NFATC4: variants seen among roughly 807,000 people sequenced by gnomAD.
The protein encoded by NFATC4 is nuclear factor of activated T cells 4, also known as nuclear factor of activated T-cells, cytoplasmic 4.
Under a neutral mutation model 73.4 loss-of-function variants are expected in NFATC4, and 25 were observed. The observed-to-expected ratio is 0.34, with a 90% CI of 0.25 to 0.48. The LOEUF (loss-of-function observed/expected upper bound fraction) is 0.48. NFATC4 is among the 20% of genes least tolerant of loss of function. The probability of loss-of-function intolerance (pLI) is 0.99; values close to 1 mark genes in which losing one functional copy is unlikely to be tolerated. For synonymous variants in NFATC4, 523 were observed against 510.3 expected (o/e 1.02, Z -0.34); for missense variants, 1,130 against 1,203.7 (o/e 0.94, Z 0.91).
chr14:24,369,776 G>C lies in NFATC4; in HGVS notation c.378G>C (p.Glu126Asp), dbSNP rs762327179. 4.4e-6 allele frequency: 7 copies of C among 1,595,924 alleles called. No individual in the cohort carries two copies. In the South Asian group the frequency reaches 5.6e-5, roughly 13 times the overall value. ...IRITSISPTP[E>D]PPAALEDNPD... is the part of the protein sequence containing the mutation. ...TCACCTCCATCTCTCCCACGCCGGAGCCGCCAGCAGCGCTGGAGGACAACC... is the reference window on the plus strand; with the variant it reads ...TCACCTCCATCTCTCCCACGCCGGACCCGCCAGCAGCGCTGGAGGACAACC... The change falls in exon 2 of 10, where the codon GAG becomes GAC. Residue 126 changes from glutamate (E) to aspartate (D), a missense_variant. By Grantham distance (45) the Glu-to-Asp change is conservative (BLOSUM62 2). This residue lies in a region of NFATC4 where 585 missense variants were observed against 574.3 expected (regional missense o/e 1.02). Coordinates refer to ENST00000250373, the MANE Select transcript of NFATC4 (RefSeq NM_004554.5).
chr14:24,369,658 G>A lies in NFATC4; in HGVS notation c.260G>A (p.Ser87Asn). 6.2e-7 allele frequency: 1 copy of A among 1,612,838 alleles called. No individual in the cohort carries two copies. The highest frequency in any genetic ancestry group is 2.2e-5 in the East Asian group (1 of 44,876). The change falls in exon 2 of 10, where the codon AGC becomes AAC. Residue 87 changes from serine (S) to asparagine (N), a missense_variant. By Grantham distance (46) the Ser-to-Asn change is conservative (BLOSUM62 1). Coordinates refer to ENST00000250373, the MANE Select transcript of NFATC4 (RefSeq NM_004554.5). ...RPAPSPGTWE[S>N]QPARSVRLGG... Reference sequence around the variant, plus strand: ...GCCCCCTCACCTGGCACCTGGGAGAGCCAGCCCGCCAGGTCGGTGAGGCTG... The same window carrying A: ...GCCCCCTCACCTGGCACCTGGGAGAACCAGCCCGCCAGGTCGGTGAGGCTG...
chr14:24,369,353 T>C (rs769807133), intron 1 of NFATC4, 146 bp from the exon 2 acceptor site: 10 of 1,598,948 alleles, frequency 6.3e-6, no homozygotes, highest in Non-Finnish European at 8.5e-6. Context: ...GGTCCAACTC[T>C]GCTTTTGTCT....
At position 24,370,580 on chromosome 14, in the gene NFATC4, C is replaced by T. The variant is rs2042448785; in HGVS notation, c.1182C>T (p.His394=). The change falls in exon 2 of 10, where the codon CAC becomes CAT. Residue 394 remains histidine (H), a synonymous_variant. Coordinates refer to ENST00000250373, the MANE Select transcript of NFATC4 (RefSeq NM_004554.5). The stretch of plus-strand genomic sequence containing the variant: ...GGTCCAAGGCCCGGATTGGGGGACA[C>T]AGCCCTATCTTCAGGTGAGGGTTGC... ...LAWSKARIGG[H]SPIFRTSALP... The T allele has an allele frequency of 3.1e-6, 5 of 1,609,446 alleles. No homozygotes were observed. The Admixed American group carries it at 5.0e-5, about 16-fold the overall frequency.
Position 24,376,081 on chromosome 14 carries a change from A to C in NFATC4, c.2036A>C (p.Gln679Pro). 6.2e-7 allele frequency: 1 copy of C among 1,614,000 alleles called. No individual in the cohort carries two copies. Among genetic ancestry groups the C allele is most frequent in the Non-Finnish European group, 8.5e-7 (1 of 1,179,934 alleles). The change falls in exon 8 of 10, where the codon CAG becomes CCG. Residue 679 changes from glutamine (Q) to proline (P), a missense_variant. By Grantham distance (76) the Gln-to-Pro change is moderately conservative. Coordinates refer to ENST00000250373, the MANE Select transcript of NFATC4 (RefSeq NM_004554.5). This position sits in a 1 kb window ranked among gnomAD's most constrained non-coding sequence, Gnocchi z 5.0. ...SNGRRKRSPT[Q>P]SFRFLPVICK... is the part of the protein sequence containing the mutation. ...GGGCGGAGGAAACGCAGTCCTACCC[A>C]GAGTTTCAGGTTTCTGCCTGGTGCG...
Position 24,370,673 on chromosome 14 carries a change from G to T in NFATC4, c.1196+79G>T. ...AGGAGGGTCAAGGGATGGATTTGAA[G>T]ACACTAGTTTCATGCCCTCTGAATT... On this transcript the variant is annotated intron_variant, in intron 2 of 9. Transcript: ENST00000250373. The T allele has an allele frequency of 2.0e-6, 3 of 1,516,888 alleles. No individual in the cohort carries two copies. The South Asian group carries it at 3.9e-5, about 20-fold the overall frequency. The allele number at this position is 1,516,888 out of a possible 1,614,324, so 94.0% of individuals were successfully genotyped here. A position where few individuals can be genotyped will look rare whatever the true frequency, so the allele number is the denominator to read the frequency against.
At chr14:24,374,050 C>A in intron 5 of NFATC4, 183 bp downstream of exon 5, 1 of 979,564 alleles carries the variant, frequency 1.0e-6, no homozygotes, top group Non-Finnish European at 1.6e-6. Context: ...TCTGGGGTGG[C>A]CCAGAGTGAC....
In NFATC4 at chr14:24,370,126, C is replaced by G; in HGVS notation, c.728C>G (p.Pro243Arg). ...LYGPSPGGRG[P>R]EDSWLLLSAP... ...GGTCCAAGCCCCGGAGGCCGAGGGC[C>G]AGAGGATAGCTGGCTACTCCTCAGT... The change falls in exon 2 of 10, where the codon CCA becomes CGA. Residue 243 changes from proline to arginine, a missense_variant. Physicochemically the swap from Pro to Arg is moderately radical, Grantham distance 103. Around this residue, in one of 3 missense-constraint regions of NFATC4, gnomAD observed 585 missense variants for 574.3 expected, o/e 1.02. Transcript: ENST00000250373. 1 of 1,603,806 alleles carries G rather than the reference C, an allele frequency of 6.2e-7. No homozygotes were observed. Among genetic ancestry groups the G allele is most frequent in the Non-Finnish European group, 8.5e-7 (1 of 1,179,696 alleles).
chr14:24,375,759 G>GGGGGGGCCC, intron 7 of NFATC4, 44 bp downstream of exon 7: 5 of 616,998 alleles, frequency 8.1e-6, no homozygotes, highest in Non-Finnish European at 1.5e-5. Flanking sequence ...GGGGGTGGGA[G>GGGGGGGCCC]AAGGCAGGGG....
chr14:24,367,777 T>TGCTAGCAAGGC, upstream of NFATC4: 1 of 1,363,992 alleles, frequency 7.3e-7, no homozygotes, highest in Non-Finnish European at 9.7e-7. Context: ...CCTTGCTAGG[T>TGCTAGCAAGGC]GCTATCTACA....
chr14:24,375,911 C>A (rs1442396611), intron 7 of NFATC4, 64 bp from the exon 8 acceptor site: 5 of 1,608,286 alleles, frequency 3.1e-6, no homozygotes, highest in Non-Finnish European at 4.2e-6. Flanking sequence ...GTCTGGGCCC[C>A]TGGAAAGGCT....
In NFATC4 at chr14:24,376,796, T is replaced by A. The variant is rs201028202; in HGVS notation, c.2559T>A (p.Ala853=). ...CAGGCTATGGCCCTGGGGAGGGGGC[T>A]CCGGAGCAGGAGAAATCCAGGGGTG... ...VGPGYGPGEG[A]PEQEKSRGGY... Residue 853 remains alanine, a synonymous_variant, in exon 9 of 10, where the codon GCT becomes GCA. Coordinates refer to ENST00000250373, the MANE Select transcript of NFATC4 (RefSeq NM_004554.5). The surrounding 1 kb of genome is among the most constrained non-coding windows in gnomAD (Gnocchi z 5.0). 18 of 1,610,354 alleles carry A rather than the reference T, an allele frequency of 1.1e-5. No homozygotes were observed. The East Asian group carries it at 4.0e-4, about 36-fold the overall frequency.
intron 7 of NFATC4, 54 bp from the exon 8 acceptor site, chr14:24,375,921 T>G: frequency 6.2e-7 from 1 of 1,611,180 alleles, no homozygotes; most frequent in Non-Finnish European, 8.5e-7. Flanking sequence ...CTGGAAAGGC[T>G]GGGCTAAGCC....
At position 24,376,701 on chromosome 14, in the gene NFATC4, C is replaced by G. The variant is rs777337327; in HGVS notation, c.2464C>G (p.Leu822Val). The G allele has an allele frequency of 6.2e-7, 1 of 1,613,914 alleles. No individual in the cohort carries two copies. The highest frequency in any genetic ancestry group is 1.7e-5 in the Admixed American group (1 of 60,000). The part of the protein sequence containing the change: ...RPPPLPASPP[L>V]EGPFPSQSDV... ...GCCTCCTCTTCCTGCATCCCCACCG[C>G]TTGAAGGCCCCTTCCCTTCCCAGAG... Residue 822 changes from leucine to valine, a missense_variant, in exon 9 of 10, where the codon CTT (leucine) becomes GTT (valine). This residue lies in a region of NFATC4 where 390 missense variants were observed against 408.1 expected (regional missense o/e 0.96). Coordinates refer to ENST00000250373, the MANE Select transcript of NFATC4 (RefSeq NM_004554.5). This position sits in a 1 kb window ranked among gnomAD's most constrained non-coding sequence, Gnocchi z 5.0.
At position 24,377,370 on chromosome 14, in the gene NFATC4, C is replaced by T. The variant is rs1029835092; in HGVS notation, c.2642-268C>T. 1.5e-5 allele frequency: 20 copies of T among 1,353,444 alleles called. No homozygotes were observed. The highest frequency in any genetic ancestry group is 5.7e-5 in the South Asian group (3 of 52,804). The allele number at this position is 1,353,444 out of a possible 1,614,324, so 83.8% of individuals were successfully genotyped here. ...CACCCATCTCTGGCCCTGCTGATACCGATTCCCCTGACATTTCAGGCTAAG... is the reference window on the plus strand; with the variant it reads ...CACCCATCTCTGGCCCTGCTGATACTGATTCCCCTGACATTTCAGGCTAAG... On this transcript the variant is annotated intron_variant, in intron 9 of 9. Coordinates refer to ENST00000250373, the MANE Select transcript of NFATC4 (RefSeq NM_004554.5). This position sits in a 1 kb window ranked among gnomAD's most constrained non-coding sequence, Gnocchi z 4.2.
rs148620532 is a variant in NFATC4, at chr14:24,376,709, C to A, written c.2472C>A (p.Gly824=). ...PPLPASPPLE[G]PFPSQSDVHP... ...TTCCTGCATCCCCACCGCTTGAAGGCCCCTTCCCTTCCCAGAGTGATGTGC... is the reference window on the plus strand; with the variant it reads ...TTCCTGCATCCCCACCGCTTGAAGGACCCTTCCCTTCCCAGAGTGATGTGC... The change falls in exon 9 of 10, where the codon GGC becomes GGA. Residue 824 remains glycine (G), a synonymous_variant. Coordinates refer to ENST00000250373, the MANE Select transcript of NFATC4 (RefSeq NM_004554.5). The surrounding 1 kb of genome is among the most constrained non-coding windows in gnomAD (Gnocchi z 5.0). The A allele has an allele frequency of 1.2e-5, 20 of 1,613,940 alleles. No individual in the cohort carries two copies. The highest frequency in any genetic ancestry group is 1.7e-5 in the Non-Finnish European group (20 of 1,179,974).
Position 24,377,679 on chromosome 14 carries a change from C to T in NFATC4, c.2683C>T (p.Pro895Ser), listed in dbSNP as rs891315108. ...IGRDLSGFPA[P>S]PGEEPPA ...CCGAGACCTGAGTGGCTTCCCTGCA[C>T]CTCCTGGAGAAGAGCCTCCTGCCTG... Residue 895 changes from proline to serine, a missense_variant, in exon 10 of 10, where the codon CCT becomes TCT. Pro to Ser is a moderately conservative substitution (Grantham distance 74, BLOSUM62 -1). Around this residue, in one of 3 missense-constraint regions of NFATC4, gnomAD observed 390 missense variants for 408.1 expected, o/e 0.96. Transcript: ENST00000250373. This position sits in a 1 kb window ranked among gnomAD's most constrained non-coding sequence, Gnocchi z 4.2. 3.1e-6 allele frequency: 5 copies of T among 1,614,104 alleles called. No homozygotes were observed. The highest frequency in any genetic ancestry group is 2.2e-5 in the South Asian group (2 of 91,092).
Position 24,368,423 on chromosome 14 carries a change from C to CG in NFATC4, c.89dup (p.Leu31IlefsTer106). 2.3e-6 allele frequency: 3 copies of CG among 1,311,808 alleles called. No individual in the cohort carries two copies. The highest frequency in any genetic ancestry group is 4.8e-5 in the South Asian group (2 of 41,268). The allele number at this position is 1,311,808 out of a possible 1,614,324, so 81.3% of individuals were successfully genotyped here. On this transcript the variant is annotated frameshift_variant, in exon 1 of 10. Transcript: ENST00000250373. LOFTEE classifies it high-confidence loss of function. ...GAAAAGGAGGCCCCCCCGCTGGGCGCGGGGGGATTGGGGGAAGGTTAGTGC... is the reference window on the plus strand; with the variant it reads ...GAAAAGGAGGCCCCCCCGCTGGGCGCGGGGGGGATTGGGGGAAGGTTAGTGC...
chr14:24,372,013 A>C (rs536085106), intron 2 of NFATC4: 1 of 160,486 alleles, frequency 6.2e-6, no homozygotes, highest in East Asian at 1.9e-4. Context: ...AATTTGTAAA[A>C]CAAAGGGTTC....
chr14:24,368,520 C>A (rs1376542478), intron 1 of NFATC4, 80 bp downstream of exon 1: 5 of 1,182,440 alleles, frequency 4.2e-6, no homozygotes, highest in Middle Eastern at 3.3e-4. Flanking sequence ...TTTAAGGCAG[C>A]GAGCCTAGGG....
Sources: allele counts gnomAD v4.1 joint callset, GRCh38; gene constraint gnomAD v4.1.1; regional missense constraint gnomAD v4.1.1; non-coding constraint Gnocchi (gnomAD v3.1); transcripts MANE v1.5; gene names NCBI Gene and HGNC (gene_info 2026-07-23, HGNC 2026-07-21).